The following ASTN2 variants were observed in gnomAD, a reference collection of about 807,000 sequenced individuals.
The protein encoded by ASTN2 is astrotactin 2, also known as astrotactin-2.
Under a neutral mutation model 139.8 loss-of-function variants are expected in ASTN2, and 54 were observed. That is an observed-to-expected ratio of 0.39 (90% CI 0.31 to 0.48). The LOEUF is 0.48. ASTN2 is among the 20% of genes least tolerant of loss of function. The pLI, the probability that ASTN2 is intolerant of heterozygous loss-of-function variation, is 0.95. For synonymous variants in ASTN2, 756 were observed against 719.5 expected (o/e 1.05, Z -0.81); for missense variants, 1,565 against 1,725.1 (o/e 0.91, Z 1.64).
At chr9:116,644,618 T>C (rs1438531633) in intron 17 of ASTN2, among the ~76,000 whole-genome samples, 1 of 152,190 alleles carries the variant, frequency 6.6e-6, no homozygotes, top group Non-Finnish European at 1.5e-5. Flanking sequence ...TTACTATCTG[T>C]AAAATAAAGA....
At chr9:117,130,210 G>T (rs10983540) in intron 4 of ASTN2, among the ~76,000 whole-genome samples, 36,243 of 152,014 alleles carry the variant, frequency 0.24, 4,349 homozygotes, top group South Asian at 0.29. Flanking sequence ...TCAGGAGGCT[G>T]CAGTGGGAGG....
At chr9:117,330,228 A>G (rs1828658148) in intron 1 of ASTN2, among the ~76,000 whole-genome samples, 1 of 152,176 alleles carries the variant, frequency 6.6e-6, no homozygotes, top group South Asian at 2.1e-4. Context: ...AATGCCAAAG[A>G]GGGAACAATT....
chr9:116,500,920 G>T (rs1396824744), intron 19 of ASTN2, among the ~76,000 whole-genome samples: 3 of 152,124 alleles, frequency 2.0e-5, no homozygotes, highest in Non-Finnish European at 4.4e-5. Flanking sequence ...CAACAAACTA[G>T]GGAAAGTGAA....
chr9:117,299,902 T>C (rs1276315856), intron 1 of ASTN2, among the ~76,000 whole-genome samples: 1 of 152,202 alleles, frequency 6.6e-6, no homozygotes, highest in African/African-American at 2.4e-5. Flanking sequence ...TTGTGATCCC[T>C]CTACAGCACC....
intron 19 of ASTN2, among the ~76,000 whole-genome samples, chr9:116,595,985 C>T (rs1251403796): frequency 3.3e-5 from 5 of 152,186 alleles, no homozygotes; most frequent in African/African-American, 1.2e-4. Flanking sequence ...CCCCCGTGCT[C>T]ACTGCAGCAT....
intron 1 of ASTN2, among the ~76,000 whole-genome samples, chr9:117,325,629 G>A (rs1216683144): frequency 6.6e-6 from 1 of 152,114 alleles, no homozygotes; most frequent in African/African-American, 2.4e-5. Context: ...AGACTGATAA[G>A]GAAGTAATTA....
intron 13 of ASTN2, among the ~76,000 whole-genome samples, chr9:116,753,489 A>G (rs142656818): frequency 0.014 from 2,107 of 152,300 alleles, 105 homozygotes; most frequent in Admixed American, 0.094. Flanking sequence ...TACAACACCA[A>G]AAGGTAAATT....
intron 13 of ASTN2, among the ~76,000 whole-genome samples, chr9:116,755,225 T>A (rs10983337): frequency 0.45 from 68,238 of 152,054 alleles, 16,359 homozygotes; most frequent in South Asian, 0.56. Context: ...AAACTGTGAA[T>A]GACACCTTAT....
At position 117,143,943 on chromosome 9, in the gene ASTN2, G is replaced by A. The variant is rs918368681; in HGVS notation, c.1016-2465C>T. 3.9e-5 allele frequency among the ~76,000 whole-genome samples: 6 copies of A among 152,200 alleles called. No individual in the cohort carries two copies. The East Asian group carries it at 1.2e-3, about 29-fold the overall frequency. The stretch of plus-strand genomic sequence containing the variant: ...CCTATCTCCAGACACAGTCAGCCAC[G>A]GATTGAATTGTGTTCCCTCCTTCCC... On this transcript the variant is annotated intron_variant, in intron 3 of 22. Transcript: ENST00000313400.
intron 16 of ASTN2, among the ~76,000 whole-genome samples, chr9:116,660,347 C>T (rs1858489603): frequency 6.6e-6 from 1 of 152,186 alleles, no homozygotes; most frequent in Admixed American, 6.5e-5. Context: ...GTAATAAGCA[C>T]AATTACAGAG....
rs138575895 is a variant in ASTN2 at position 116,476,116 on chromosome 9, T to G, written c.3497+11243A>C. 1.5e-3 allele frequency among the ~76,000 whole-genome samples: 229 copies of G among 152,328 alleles called. 1 individual carries two copies. Among genetic ancestry groups the G allele is most frequent in the South Asian group, 5.8e-3 (28 of 4,824 alleles). On this transcript the variant is annotated intron_variant, in intron 20 of 22. Coordinates refer to ENST00000313400, the MANE Select transcript of ASTN2 (RefSeq NM_001365068.1). ...GGGCCATGCTTCCTCTGAAGGCTCT[T>G]GGAAAGAATCCTTCCTTGCCACTCT...
At chr9:117,117,356 A>G (rs1829421139) in intron 4 of ASTN2, among the ~76,000 whole-genome samples, 1 of 149,856 alleles carries the variant, frequency 6.7e-6, no homozygotes, top group Non-Finnish European at 1.5e-5. Context: ...GATGGGAAAA[A>G]AGCAAAGTGG....
chr9:117,218,381 G>A (rs901675444), intron 2 of ASTN2, among the ~76,000 whole-genome samples: 8 of 152,158 alleles, frequency 5.3e-5, no homozygotes, highest in African/African-American at 1.9e-4. Flanking sequence ...CTGAGTCACT[G>A]ACCACGTGGT....
intron 17 of ASTN2, among the ~76,000 whole-genome samples, chr9:116,647,686 G>A (rs748892300): frequency 1.6e-4 from 24 of 152,336 alleles, no homozygotes; most frequent in East Asian, 1.2e-3. Flanking sequence ...CAGAAAGGCC[G>A]TCACTGGAGC....
chr9:117,057,995 T>G (rs1839112313), intron 5 of ASTN2, among the ~76,000 whole-genome samples: 1 of 152,176 alleles, frequency 6.6e-6, no homozygotes, highest in Non-Finnish European at 1.5e-5. Flanking sequence ...AAGTATGTTG[T>G]TTTTATAGTC....
chr9:116,552,831 C>T (rs1852413761), intron 19 of ASTN2, among the ~76,000 whole-genome samples: 1 of 152,226 alleles, frequency 6.6e-6, no homozygotes, highest in Admixed American at 6.5e-5. Context: ...TGCATGGGCA[C>T]AGTCAGTGGA....
intron 10 of ASTN2, among the ~76,000 whole-genome samples, chr9:116,950,009 T>TTCA (rs1288435849): frequency 1.3e-5 from 2 of 152,206 alleles, no homozygotes; most frequent in African/African-American, 4.8e-5. Flanking sequence ...TGATTGTTAT[T>TTCA]TCAGTATCAG....
At chr9:117,128,371 C>CAAAAAAAAAAAAA (rs1167187783) in intron 4 of ASTN2, among the ~76,000 whole-genome samples, 10 of 66,444 alleles carry the variant, frequency 1.5e-4, no homozygotes, top group African/African-American at 5.3e-4. Context: ...GACACTGTCT[C>CAAAAAAAAAAAAA]AAAAAAAAAA....
chr9:117,228,782 A>G (rs2133051891), intron 2 of ASTN2, among the ~76,000 whole-genome samples: 1 of 152,198 alleles, frequency 6.6e-6, no homozygotes. Flanking sequence ...TAGGAGGCCG[A>G]GGCGGGTGGA....
Sources: allele counts gnomAD v4.1 joint callset (sites outside exome capture counted in the v4.1 genomes callset), GRCh38; gene constraint gnomAD v4.1.1; transcripts MANE v1.5; gene names NCBI Gene and HGNC (gene_info 2026-07-23, HGNC 2026-07-21).